Variants in PIMREG observed in about 807,000 individuals in gnomAD.
PIMREG encodes protein PIMREG.
In PIMREG, 19 loss-of-function variants were observed where a neutral mutation model predicts 24.3. The ratio of observed to expected loss-of-function variants is 0.78; its 90% CI spans 0.54 to 1.15. The LOEUF is 1.15. PIMREG is among the 50% of genes most tolerant of loss of function. PIMREG has a pLI of 0.00. For missense variants in PIMREG, 283 were observed against 306.8 expected (o/e 0.92, Z 0.58); for synonymous variants, 112 against 124.1 (o/e 0.90, Z 0.65).
intron 2 of PIMREG, chr17:6,446,215 T>C (rs1270984501): frequency 1.0e-5 from 4 of 401,020 alleles, no homozygotes; most frequent in Non-Finnish European, 1.8e-5. Context: ...CTTCAAGGGA[T>C]GCATCTTTAA....
chr17:6,450,355 C>T lies in PIMREG; in HGVS notation c.*15-7C>T, dbSNP rs1342012980. On this transcript the variant is annotated splice_polypyrimidine_tract_variant and splice_region_variant and intron_variant, in intron 5 of 5. Transcript: ENST00000572447. ...AGCACAGTGAAAAAGGCAGCTCTGT[C>T]TTGAAGGAAACAAGCCCTGTCTGAC... The T allele has an allele frequency of 3.9e-6, 6 of 1,555,952 alleles. No homozygotes were observed. The highest frequency in any genetic ancestry group is 2.3e-5 in the East Asian group (1 of 42,764).
rs367738973 is a variant in PIMREG, at chr17:6,450,129, G to A, written c.*14+57G>A. ...TGTCCTTCTCCTCCATCTCATGCAT[G>A]AGCAAGTTAAAGAAAAAGCCCACAG... On this transcript the variant is annotated intron_variant, in intron 5 of 5. Coordinates refer to ENST00000572447, the MANE Select transcript of PIMREG (RefSeq NM_019013.3). The A allele has an allele frequency of 3.0e-5, 47 of 1,573,240 alleles. No individual in the cohort carries two copies. In the African/African-American group the frequency reaches 5.3e-4, roughly 18 times the overall value.
At position 6,445,351 on chromosome 17, in the gene PIMREG, G is replaced by A. The variant is rs769725124; in HGVS notation, c.241G>A (p.Gly81Ser). ...GGAAACCCCAGAGCCAGGTCAGCAG[G>A]GCCTCCAGGCTGCAGCTCGCTCAGC... Reference protein sequence around the residue: ...RLETPEPGQQGLQAAARSAKS... With the variant: ...RLETPEPGQQSLQAAARSAKS... Residue 81 changes from glycine (G) to serine (S), a missense_variant, in exon 2 of 6, where the codon GGC (glycine) becomes AGC (serine). Transcript: ENST00000572447. 1.9e-6 allele frequency: 3 copies of A among 1,613,910 alleles called. No individual in the cohort carries two copies. The highest frequency in any genetic ancestry group is 1.3e-5 in the African/African-American group (1 of 74,898).
Position 6,445,445 on chromosome 17 carries a change from TCC to T in PIMREG, c.294+42_294+43del, listed in dbSNP as rs1913536961. The T allele has an allele frequency of 3.2e-6, 5 of 1,557,814 alleles. 1 individual carries two copies. Among genetic ancestry groups the T allele is most frequent in the Non-Finnish European group, 4.4e-6 (5 of 1,148,074 alleles). On this transcript the variant is annotated intron_variant, in intron 2 of 5. Coordinates refer to ENST00000572447, the MANE Select transcript of PIMREG (RefSeq NM_019013.3). ...CTAATCATCTTTTTTATGGAGTGTT[TCC>T]TTGGTGCCAGGCAGTTCCTGCCCTC...
chr17:6,446,248 G>A (rs1348996235), intron 2 of PIMREG: 3 of 400,584 alleles, frequency 7.5e-6, no homozygotes, highest in South Asian at 1.3e-4. Flanking sequence ...AGGTGTAGAC[G>A]TGTCACTTAG....
chr17:6,445,015 T>TG, intron 1 of PIMREG, 61 bp from the exon 2 acceptor site: 1 of 1,326,944 alleles, frequency 7.5e-7, no homozygotes, highest in Non-Finnish European at 1.0e-6. Flanking sequence ...AGGGTCTCTG[T>TG]GGGGCCTGGG....
intron 2 of PIMREG, 72 bp from the exon 3 acceptor site, chr17:6,447,391 T>C (rs541891192): frequency 2.2e-4 from 338 of 1,520,212 alleles, no homozygotes; most frequent in Non-Finnish European, 2.9e-4. Context: ...ACTGGGATTA[T>C]AGGCGTGAGC....
Position 6,444,709 on chromosome 17 carries a change from G to T in PIMREG, c.-36+221G>T, listed in dbSNP as rs1436809853. Among the ~76,000 whole-genome samples the T allele has an allele frequency of 2.6e-5, 4 of 152,112 alleles. No homozygotes were observed. Among genetic ancestry groups the T allele is most frequent in the African/African-American group, 9.7e-5 (4 of 41,430 alleles). ...GTCTGGTGGGAAGGCCGGGGTCTGG[G>T]CGGGTGCGCGTTTGGTCTGGGCGAG... On this transcript the variant is annotated intron_variant, in intron 1 of 5. Transcript: ENST00000572447. The surrounding 1 kb of genome is among the most constrained non-coding windows in gnomAD (Gnocchi z 4.3).
chr17:6,448,921 C>T (rs184816166), intron 3 of PIMREG, among the ~76,000 whole-genome samples: 1 of 152,332 alleles, frequency 6.6e-6, no homozygotes, highest in African/African-American at 2.4e-5. Flanking sequence ...GACCCGGTTC[C>T]GCGTCCAGAG....
In PIMREG at chr17:6,450,201, G is replaced by A. The variant is rs1231815192; in HGVS notation, c.*14+129G>A. 5.0e-6 allele frequency: 6 copies of A among 1,188,124 alleles called. No individual in the cohort carries two copies. The Admixed American group carries it at 5.8e-5, about 11-fold the overall frequency. The allele number at this position is 1,188,124 out of a possible 1,614,324, so 73.6% of individuals were successfully genotyped here. ...AGGTAGTACCTACTTGCCGCTTGAAGCCAGAGCTGCTAACCTCACTGACCC... is the reference window on the plus strand; with the variant it reads ...AGGTAGTACCTACTTGCCGCTTGAAACCAGAGCTGCTAACCTCACTGACCC... On this transcript the variant is annotated intron_variant, in intron 5 of 5. Transcript: ENST00000572447.
At chr17:6,447,808 C>T (rs780394827) in intron 3 of PIMREG, 50 bp downstream of exon 3, 3 of 1,529,064 alleles carry the variant, frequency 2.0e-6, no homozygotes, top group Non-Finnish European at 2.6e-6. Context: ...TTAACCTGGG[C>T]ACAATCCCTG....
chr17:6,449,788 C>T (rs1441834751), intron 4 of PIMREG: 4 of 1,422,808 alleles, frequency 2.8e-6, no homozygotes, highest in East Asian at 5.0e-5. Flanking sequence ...GGTCTGTCTG[C>T]TCATGGCCCC....
chr17:6,445,236 C>T lies in PIMREG; in HGVS notation c.126C>T (p.Ala42=), dbSNP rs746008796. The change falls in exon 2 of 6, where the codon GCC becomes GCT. Residue 42 remains alanine (A), a synonymous_variant. Transcript: ENST00000572447. ...GCCATCAGGAGACCTCTGTAGGGGC[C>T]CTGGGGTCCCTGTGCAGACAGTTCC... is the stretch of plus-strand genomic sequence containing the variant. ...VVSHQETSVG[A]LGSLCRQFQR... 6.2e-6 allele frequency: 10 copies of T among 1,613,576 alleles called. No individual in the cohort carries two copies. The South Asian group carries it at 1.1e-4, about 18-fold the overall frequency.
intron 3 of PIMREG, 130 bp from the exon 4 acceptor site, chr17:6,449,182 G>C: frequency 1.6e-6 from 1 of 627,694 alleles, no homozygotes; most frequent in Non-Finnish European, 2.7e-6. Context: ...CTCCTGGAGT[G>C]AGGGTCTGGA....
rs754790121 is a variant in PIMREG at position 6,447,769 on chromosome 17, T to C, written c.590+11T>C. On this transcript the variant is annotated intron_variant, in intron 3 of 5. Coordinates refer to ENST00000572447, the MANE Select transcript of PIMREG (RefSeq NM_019013.3). ...CCTCTGCTCTCCCAGGCAAGTGGGA[T>C]AGTGCTTCACCCCGGGGCTGGTGGC... The C allele has an allele frequency of 5.7e-6, 9 of 1,588,876 alleles. No homozygotes were observed. Among genetic ancestry groups the C allele is most frequent in the South Asian group, 1.1e-5 (1 of 88,508 alleles).
intron 2 of PIMREG, among the ~76,000 whole-genome samples, chr17:6,446,732 T>C (rs1422228701): frequency 6.6e-6 from 1 of 152,120 alleles, no homozygotes; most frequent in Non-Finnish European, 1.5e-5. Context: ...TATGGACCAC[T>C]GTGGAGGGTG....
chr17:6,448,939 G>C (rs781005621), intron 3 of PIMREG, among the ~76,000 whole-genome samples: 8 of 152,160 alleles, frequency 5.3e-5, no homozygotes, highest in Non-Finnish European at 1.0e-4. Flanking sequence ...GAGCCAGCAG[G>C]GGACCTGAGA....
intron 5 of PIMREG, 82 bp downstream of exon 5, chr17:6,450,154 G>T: frequency 7.0e-7 from 1 of 1,434,192 alleles, no homozygotes; most frequent in South Asian, 1.1e-5. Context: ...AAAGCCCACA[G>T]AGCTGATGGG....
At chr17:6,447,304 T>C (rs1478371612) in intron 2 of PIMREG, 159 bp from the exon 3 acceptor site, 2 of 756,532 alleles carry the variant, frequency 2.6e-6, no homozygotes, top group Non-Finnish European at 4.3e-6. Context: ...TTAGTAGAAA[T>C]GGGGTTACAC....
Sources: gnomAD v4.1 joint callset for allele counts (sites outside exome capture counted in the v4.1 genomes callset) on GRCh38, gnomAD v4.1.1 for gene constraint, Gnocchi (gnomAD v3.1) non-coding constraint, MANE v1.5 for transcripts, NCBI Gene and HGNC (gene_info 2026-07-23, HGNC 2026-07-21) for gene names.